The following ZNF532 variants were observed in gnomAD, a reference collection of about 807,000 sequenced individuals.
ZNF532 encodes the protein zinc finger protein 532.
In ZNF532, 22 loss-of-function variants were observed where a neutral mutation model predicts 89.3. The ratio of observed to expected loss-of-function variants is 0.25; its 90% CI spans 0.18 to 0.35. ZNF532 has a LOEUF of 0.35. ZNF532 is among the 10% of genes least tolerant of loss of function. The probability of loss-of-function intolerance (pLI) is 1.00; values close to 1 mark genes in which losing one functional copy is unlikely to be tolerated. For missense variants in ZNF532, 1,132 were observed against 1,643.4 expected (o/e 0.69, Z 5.38); for synonymous variants, 606 against 649.6 (o/e 0.93, Z 1.02).
At chr18:58,927,918 CTTTCTTAGCCCCGTCTTTAAAA>C (rs952451983) in intron 3 of ZNF532, among the ~76,000 whole-genome samples, 2 of 151,444 alleles carry the variant, frequency 1.3e-5, no homozygotes, top group African/African-American at 4.9e-5. Context: ...TGTAAACTTC[CTTTCTTAGCCCCGTCTTTAAAA>C]GCAGTTAGGA....
intron 7 of ZNF532, among the ~76,000 whole-genome samples, chr18:58,969,873 CTTTTTTTTTT>C (rs10617418): frequency 7.1e-5 from 6 of 84,750 alleles, no homozygotes; most frequent in South Asian, 9.7e-4. Flanking sequence ...ATATTTGTCC[CTTTTTTTTTT>C]TTTTTTTTTT....
chr18:58,954,574 T>TAA (rs1416895109), intron 7 of ZNF532, among the ~76,000 whole-genome samples: 1 of 152,160 alleles, frequency 6.6e-6, no homozygotes, highest in African/African-American at 2.4e-5. Flanking sequence ...TTTTATTTTT[T>TAA]AATGTATGGT....
At chr18:58,890,979 G>A (rs1458939176) in intron 2 of ZNF532, among the ~76,000 whole-genome samples, 1 of 151,948 alleles carries the variant, frequency 6.6e-6, no homozygotes, top group Non-Finnish European at 1.5e-5. Context: ...TGAGTAGCAG[G>A]AACTACACGC....
intron 5 of ZNF532, among the ~76,000 whole-genome samples, chr18:58,944,056 C>A (rs1412202074): frequency 6.6e-6 from 1 of 152,154 alleles, no homozygotes; most frequent in Non-Finnish European, 1.5e-5. Context: ...ATTATCTAGT[C>A]TGCTAAGTCC....
intron 2 of ZNF532, among the ~76,000 whole-genome samples, chr18:58,886,483 TAA>T (rs749077423): frequency 1.1e-4 from 17 of 152,148 alleles, no homozygotes; most frequent in Non-Finnish European, 2.1e-4. Context: ...TGGTACTCCA[TAA>T]AAAAGGAATG....
intron 7 of ZNF532, chr18:58,954,042 G>C (rs1477072329): frequency 2.0e-6 from 2 of 984,936 alleles, no homozygotes; most frequent in South Asian, 4.7e-5. Context: ...GCATGAATGT[G>C]GTAAGTTACC....
At chr18:58,883,817 T>A in intron 2 of ZNF532, among the ~76,000 whole-genome samples, 1 of 152,124 alleles carries the variant, frequency 6.6e-6, no homozygotes, top group African/African-American at 2.4e-5. Context: ...CTCTGGACAT[T>A]GCTAAATATA....
chr18:58,940,958 A>ACACACACACACACT (rs1209329621), intron 5 of ZNF532, among the ~76,000 whole-genome samples: 26 of 131,798 alleles, frequency 2.0e-4, no homozygotes, highest in African/African-American at 6.9e-4. Context: ...ACACACACAC[A>ACACACACACACACT]CTCTTTCTCT....
chr18:58,918,853 T>A lies in ZNF532; in HGVS notation c.566T>A (p.Leu189His). 6.2e-7 allele frequency: 1 copy of A among 1,614,126 alleles called. No homozygotes were observed. Among genetic ancestry groups the A allele is most frequent in the Non-Finnish European group, 8.5e-7 (1 of 1,180,040 alleles). ...GGGGAAAACTCCAGCAAAACTGGAC[T>A]CTCTACGTCAGGCAATGTGGAGAAA... is the stretch of plus-strand genomic sequence containing the variant. ...LGGENSSKTG[L>H]STSGNVEKNK... The change falls in exon 3 of 10, where the codon CTC becomes CAC. Residue 189 changes from leucine to histidine, a missense_variant. Around this residue, in one of 9 missense-constraint regions of ZNF532, gnomAD observed 302 missense variants for 319.8 expected, o/e 0.94. Coordinates refer to ENST00000591808, the MANE Select transcript of ZNF532 (RefSeq NM_001375912.1).
At chr18:58,880,952 AT>A (rs2057873920) in intron 2 of ZNF532, among the ~76,000 whole-genome samples, 1 of 152,186 alleles carries the variant, frequency 6.6e-6, no homozygotes, top group South Asian at 2.1e-4. Context: ...TTTTAAAAAA[AT>A]TCTCTTCTAA....
At chr18:58,907,571 G>C (rs1407465452) in intron 2 of ZNF532, among the ~76,000 whole-genome samples, 1 of 151,964 alleles carries the variant, frequency 6.6e-6, no homozygotes, top group African/African-American at 2.4e-5. Flanking sequence ...TCCCGGCGGA[G>C]AAGTTTTATA....
chr18:58,933,650 TTG>T (rs940378867), intron 3 of ZNF532, among the ~76,000 whole-genome samples: 2 of 152,208 alleles, frequency 1.3e-5, no homozygotes, highest in African/African-American at 4.8e-5. Flanking sequence ...TTTTTTGGTT[TTG>T]TGTTTTTAAA....
chr18:58,963,051 C>T (rs1345357271), intron 7 of ZNF532, among the ~76,000 whole-genome samples: 1 of 152,102 alleles, frequency 6.6e-6, no homozygotes, highest in African/African-American at 2.4e-5. Flanking sequence ...CACCAACACA[C>T]CTTTGTTGAG....
chr18:58,927,056 T>C (rs2061583604), intron 3 of ZNF532, among the ~76,000 whole-genome samples: 1 of 152,234 alleles, frequency 6.6e-6, no homozygotes, highest in African/African-American at 2.4e-5. Flanking sequence ...CCTCCTTCAA[T>C]TTTTCTGGAA....
chr18:58,966,360 C>CTTG (rs1198144354), intron 7 of ZNF532, among the ~76,000 whole-genome samples: 2 of 152,128 alleles, frequency 1.3e-5, no homozygotes, highest in African/African-American at 4.8e-5. Flanking sequence ...TCTAAAATTA[C>CTTG]TTGCCTTGGT....
At chr18:58,932,797 A>C (rs909031354) in intron 3 of ZNF532, among the ~76,000 whole-genome samples, 2 of 152,172 alleles carry the variant, frequency 1.3e-5, no homozygotes, top group African/African-American at 4.8e-5. Flanking sequence ...GACTCATGGT[A>C]GGATGGGACC....
At chr18:58,943,220 C>T (rs1264348493) in intron 5 of ZNF532, among the ~76,000 whole-genome samples, 4 of 143,548 alleles carry the variant, frequency 2.8e-5, no homozygotes, top group Non-Finnish European at 3.0e-5. Context: ...AGTGCAGTGG[C>T]GCGATCTCTG....
chr18:58,931,062 C>T (rs779317071), intron 3 of ZNF532, among the ~76,000 whole-genome samples: 3 of 152,040 alleles, frequency 2.0e-5, no homozygotes, highest in Admixed American at 6.6e-5. Context: ...ACAGTTTAAC[C>T]GAGCAAATAA....
chr18:58,900,130 G>T (rs1602833435), intron 2 of ZNF532, among the ~76,000 whole-genome samples: 1 of 152,324 alleles, frequency 6.6e-6, no homozygotes, highest in South Asian at 2.1e-4. Context: ...TGAGGCTGTG[G>T]AGAGCTGCCC....
Sources: allele counts gnomAD v4.1 joint callset (sites outside exome capture counted in the v4.1 genomes callset), GRCh38; gene constraint gnomAD v4.1.1; regional missense constraint gnomAD v4.1.1; transcripts MANE v1.5; gene names NCBI Gene and HGNC (gene_info 2026-07-23, HGNC 2026-07-21).